Variants in CLEC12A observed in about 807,000 individuals in gnomAD.
CLEC12A encodes C-type lectin domain family 12 member A.
In CLEC12A, 22 loss-of-function variants were observed where a neutral mutation model predicts 26.5. That is an observed-to-expected ratio of 0.83 (90% CI 0.59 to 1.19). The LOEUF is 1.19. Ranked by LOEUF, CLEC12A falls within the 50% of genes most tolerant of loss-of-function variation. The pLI is 0.00. For missense variants in CLEC12A, 353 were observed against 315.6 expected (o/e 1.12, Z -0.90); for synonymous variants, 119 against 101.9 (o/e 1.17, Z -1.01).
chr12:9,962,360 G>A (rs139793029), intron 1 of CLEC12A, among the ~76,000 whole-genome samples: 6 of 150,252 alleles, frequency 4.0e-5, no homozygotes, highest in African/African-American at 1.5e-4. Context: ...CTCTGAAGGT[G>A]TGTGTCTCCA....
In CLEC12A at chr12:9,978,992, C is replaced by T. The variant is rs141455664; in HGVS notation, c.118C>T (p.Arg40Cys). The T allele has an allele frequency of 4.8e-5, 77 of 1,613,884 alleles. No homozygotes were observed. The highest frequency in any genetic ancestry group is 6.7e-5 in the East Asian group (3 of 44,878). ...ACCTCCAGCTCCCTCTCATGTATGG[C>T]GTCCAGCAGCCTTGTTTCTGACTCT... ...KAPPAPSHVW[R>C]PAALFLTLLC... The change falls in exon 2 of 6, where the codon CGT (arginine) becomes TGT (cysteine). Residue 40 changes from arginine (R) to cysteine (C), a missense_variant. By Grantham distance (180) the Arg-to-Cys change is radical. Coordinates refer to ENST00000304361, the MANE Select transcript of CLEC12A (RefSeq NM_138337.6).
exon 5 of CLEC12A, chr12:9,995,488 G>A (rs1401725902): frequency 2.3e-6 from 1 of 433,112 alleles, no homozygotes; most frequent in Non-Finnish European, 4.3e-6. Flanking sequence ...CTTCTTTTGT[G>A]TTTATAACAT....
chr12:10,002,689 G>T, the CLEC12A span, among the ~76,000 whole-genome samples: 2 of 152,022 alleles, frequency 1.3e-5, no homozygotes, highest in Non-Finnish European at 2.9e-5. Flanking sequence ...TGATCCGCCC[G>T]CCTCGGCCTC....
At chr12:9,966,158 A>G (rs1263417373) in intron 1 of CLEC12A, among the ~76,000 whole-genome samples, 1 of 152,204 alleles carries the variant, frequency 6.6e-6, no homozygotes, top group Non-Finnish European at 1.5e-5. Context: ...GGCCATCAGT[A>G]CTTACAACAG....
chr12:9,968,017 C>G (rs1230236502), upstream of CLEC12A, among the ~76,000 whole-genome samples: 1 of 151,960 alleles, frequency 6.6e-6, no homozygotes, highest in Non-Finnish European at 1.5e-5. Context: ...AGGAAAGGAA[C>G]TGAAATTAAG....
chr12:9,963,354 GTGAC>G (rs1241056846), intron 1 of CLEC12A, among the ~76,000 whole-genome samples: 3 of 150,878 alleles, frequency 2.0e-5, no homozygotes, highest in Non-Finnish European at 4.4e-5. Context: ...TTTTTCAGCA[GTGAC>G]TAAGTCAAGG....
chr12:9,978,927 A>G (rs755082411), intron 1 of CLEC12A, 39 bp from the exon 2 acceptor site: 1 of 1,371,108 alleles, frequency 7.3e-7, no homozygotes, highest in South Asian at 1.2e-5. Context: ...TGAAAGTTAT[A>G]CCATTTTTAG....
At chr12:9,984,123 G>GTA (rs60787973) in intron 5 of CLEC12A, 3,860 of 177,208 alleles carry the variant, frequency 0.022, 43 homozygotes, top group Non-Finnish European at 0.025. Flanking sequence ...GTGTGTGTGT[G>GTA]TATATATATC....
Position 9,979,644 on chromosome 12 carries a change from G to T in CLEC12A, c.379+120G>T, listed in dbSNP as rs1053700296. ...CTAGGGAGTCATAATTTGGGGGAAA[G>T]AATTACATGTGGTTGATGGAGAATT... On this transcript the variant is annotated intron_variant, in intron 3 of 5. Coordinates refer to ENST00000304361, the MANE Select transcript of CLEC12A (RefSeq NM_138337.6). 4 of 713,200 alleles carry T rather than the reference G, an allele frequency of 5.6e-6. No individual in the cohort carries two copies. In the East Asian group the frequency reaches 1.1e-4, roughly 20 times the overall value. The allele number at this position is 713,200 out of a possible 1,614,324, so 44.2% of individuals were successfully genotyped here.
upstream of CLEC12A, among the ~76,000 whole-genome samples, chr12:9,967,067 G>A (rs1030338946): frequency 4.0e-5 from 6 of 151,816 alleles, no homozygotes; most frequent in African/African-American, 7.3e-5. Context: ...CAGGTGTGAG[G>A]AGAGGAGGTG....
At chr12:9,990,453 G>A (rs1864865801), downstream of CLEC12A, among the ~76,000 whole-genome samples, 1 of 152,212 alleles carries the variant, frequency 6.6e-6, no homozygotes, top group African/African-American at 2.4e-5. Context: ...AACTGCAGAT[G>A]TGGTGGAAAT....
At chr12:9,983,198 G>A (rs1442633539) in intron 5 of CLEC12A, among the ~76,000 whole-genome samples, 1 of 151,812 alleles carries the variant, frequency 6.6e-6, no homozygotes, top group Non-Finnish European at 1.5e-5. Flanking sequence ...TGGATCAAAT[G>A]GTAATTCTAT....
chr12:9,960,980 G>C (rs190990926), intron 1 of CLEC12A, among the ~76,000 whole-genome samples: 1 of 152,158 alleles, frequency 6.6e-6, no homozygotes, highest in African/African-American at 2.4e-5. Context: ...GACCATGCCC[G>C]TGACACAGCC....
chr12:9,966,543 G>T (rs551027175), upstream of CLEC12A, among the ~76,000 whole-genome samples: 7 of 152,246 alleles, frequency 4.6e-5, no homozygotes, highest in East Asian at 1.4e-3. Context: ...AGCTCCTGGG[G>T]GAGGCAGGCC....
At chr12:9,986,166 T>G (rs965290976), downstream of CLEC12A, 3 of 455,010 alleles carry the variant, frequency 6.6e-6, no homozygotes, top group African/African-American at 6.0e-5. Context: ...TTCCTGGAAG[T>G]AAAACAAGAA....
At chr12:9,983,613 T>C (rs1309024177) in intron 5 of CLEC12A, 3 of 640,952 alleles carry the variant, frequency 4.7e-6, no homozygotes, top group South Asian at 1.8e-5. Flanking sequence ...TTTTAGTATA[T>C]ACTTTTAGCA....
the CLEC12A span, among the ~76,000 whole-genome samples, chr12:10,004,872 T>C: frequency 0.4 from 60,053 of 150,370 alleles, 12,289 homozygotes; most frequent in African/African-American, 0.42. Context: ...CCCATTAACT[T>C]GTCATTTACA....
At chr12:9,982,458 T>C (rs1188141437) in intron 5 of CLEC12A, among the ~76,000 whole-genome samples, 1 of 152,088 alleles carries the variant, frequency 6.6e-6, no homozygotes, top group East Asian at 1.9e-4. Context: ...GGTTCAAAGA[T>C]GAATGAAATA....
chr12:9,979,478 A>G lies in CLEC12A; in HGVS notation c.333A>G (p.Gln111=). ...NKIRNLSTTL[Q]TIATKLCREL... is the part of the protein sequence containing the mutation. ...TCAGGAACCTCTCCACCACACTGCAAACAATAGCCACCAAATTATGTCGTG... is the reference window on the plus strand; with the variant it reads ...TCAGGAACCTCTCCACCACACTGCAGACAATAGCCACCAAATTATGTCGTG... The change falls in exon 3 of 6, where the codon CAA becomes CAG. Residue 111 remains glutamine (Q), a synonymous_variant. Transcript: ENST00000304361. The G allele has an allele frequency of 6.2e-7, 1 of 1,613,442 alleles. No individual in the cohort carries two copies. The highest frequency in any genetic ancestry group is 2.2e-5 in the East Asian group (1 of 44,850).
Sources: allele counts gnomAD v4.1 joint callset (sites outside exome capture counted in the v4.1 genomes callset), GRCh38; gene constraint gnomAD v4.1.1; transcripts MANE v1.5; gene names NCBI Gene and HGNC (gene_info 2026-07-23, HGNC 2026-07-21).